TMEM132B: variants seen among roughly 807,000 people sequenced by gnomAD.
TMEM132B encodes the protein transmembrane protein 132B.
A neutral mutation model predicts 90.8 loss-of-function variants in TMEM132B; 18 were observed. That is an observed-to-expected ratio of 0.20 (90% confidence interval 0.14 to 0.29). TMEM132B has a LOEUF of 0.29. Ranked by LOEUF, TMEM132B falls within the 10% of genes least tolerant of loss-of-function variation. TMEM132B has a pLI of 1.00. For missense variants in TMEM132B, 1,096 were observed against 1,326.8 expected (o/e 0.83, Z 2.70); for synonymous variants, 504 against 523.3 (o/e 0.96, Z 0.50).
At chr12:125,305,466 A>C (rs1875934913) in intron 1 of TMEM132B, among the ~76,000 whole-genome samples, 1 of 152,124 alleles carries the variant, frequency 6.6e-6, no homozygotes, top group Non-Finnish European at 1.5e-5. Flanking sequence ...GTCTGTTAAA[A>C]GTTAATGATC....
At chr12:125,575,628 A>G (rs188559171) in intron 4 of TMEM132B, among the ~76,000 whole-genome samples, 10 of 151,694 alleles carry the variant, frequency 6.6e-5, no homozygotes, top group Non-Finnish European at 1.0e-4. Flanking sequence ...TCTAAGCAAT[A>G]TTTGCTGAGT....
At chr12:125,393,384 G>A (rs1879081745) in intron 2 of TMEM132B, among the ~76,000 whole-genome samples, 1 of 152,164 alleles carries the variant, frequency 6.6e-6, no homozygotes, top group South Asian at 2.1e-4. Flanking sequence ...TGATTATTTA[G>A]TATTAGTTGT....
At position 125,654,569 on chromosome 12, in the gene TMEM132B, C is replaced by T; in HGVS notation, c.3111C>T (p.Ile1037=). The T allele has an allele frequency of 1.9e-6, 3 of 1,614,194 alleles. No individual in the cohort carries two copies. The South Asian group carries it at 3.3e-5, about 18-fold the overall frequency. ...TCAAGTTCACTTCCTACACCACCAT[C>T]CTCCCAGAGGACGGCGGCCCATACA... The part of the protein sequence containing the change: ...KRVKFTSYTT[I]LPEDGGPYTN... The change falls in exon 9 of 9, where the codon ATC becomes ATT. Residue 1037 remains isoleucine, a synonymous_variant. Transcript: ENST00000682704. This position sits in a 1 kb window ranked among gnomAD's most constrained non-coding sequence, Gnocchi z 5.8.
At chr12:125,450,212 GAGA>G (rs1276791734) in intron 3 of TMEM132B, among the ~76,000 whole-genome samples, 1 of 152,124 alleles carries the variant, frequency 6.6e-6, no homozygotes, top group African/African-American at 2.4e-5. Flanking sequence ...TTTAAAAGTA[GAGA>G]AGAAGTGATA....
intron 3 of TMEM132B, among the ~76,000 whole-genome samples, chr12:125,431,317 G>A (rs1159392248): frequency 2.0e-5 from 3 of 151,964 alleles, no homozygotes; most frequent in East Asian, 1.9e-4. Context: ...GGTCCCCTTC[G>A]TGTTAATGAT....
intron 4 of TMEM132B, among the ~76,000 whole-genome samples, chr12:125,532,121 C>G (rs551836882): frequency 2.6e-5 from 4 of 152,280 alleles, no homozygotes; most frequent in Middle Eastern, 3.4e-3. Context: ...GGGAAAAGCC[C>G]ATTAAGATGT....
intron 1 of TMEM132B, among the ~76,000 whole-genome samples, chr12:125,237,166 A>G (rs907495163): frequency 7.2e-5 from 11 of 152,174 alleles, no homozygotes; most frequent in Non-Finnish European, 1.6e-4. Context: ...ATGGCCAGAG[A>G]GAGAGCCCAG....
chr12:125,320,356 CTCT>C (rs1330709604), intron 1 of TMEM132B, among the ~76,000 whole-genome samples: 1 of 152,212 alleles, frequency 6.6e-6, no homozygotes, highest in Non-Finnish European at 1.5e-5. Context: ...ATTCTTATCG[CTCT>C]TATTATAGCT....
chr12:125,532,920 CT>C (rs1387288177), intron 4 of TMEM132B, among the ~76,000 whole-genome samples: 1 of 152,150 alleles, frequency 6.6e-6, no homozygotes, highest in Non-Finnish European at 1.5e-5. Context: ...AATATGCAGG[CT>C]GTCTCTGAGC....
rs1387868158 is a variant in TMEM132B, at chr12:125,596,322, C to T, written c.1437+12328C>T. Among the ~76,000 whole-genome samples the T allele has an allele frequency of 2.0e-5, 3 of 152,154 alleles. No homozygotes were observed. The East Asian group carries it at 5.8e-4, about 29-fold the overall frequency. On this transcript the variant is annotated intron_variant, in intron 5 of 8. Transcript: ENST00000682704. ...GGGTAGACGAAGTGGATTACACAGC[C>T]TCCTATTAAACAAATGTGTGCTTCT...
chr12:125,300,372 A>G (rs1415511559), intron 1 of TMEM132B, among the ~76,000 whole-genome samples: 1 of 151,670 alleles, frequency 6.6e-6, no homozygotes, highest in African/African-American at 2.4e-5. Context: ...CAGCCCGACC[A>G]CCTGACACCC....
At chr12:125,646,444 G>C (rs1005765114) in intron 6 of TMEM132B, among the ~76,000 whole-genome samples, 2 of 152,144 alleles carry the variant, frequency 1.3e-5, no homozygotes, top group African/African-American at 4.8e-5. Flanking sequence ...GGCCAAGGTG[G>C]ATCTCGAAAA....
At chr12:125,335,134 C>T (rs1593090415) in intron 1 of TMEM132B, among the ~76,000 whole-genome samples, 3 of 152,326 alleles carry the variant, frequency 2.0e-5, no homozygotes, top group Middle Eastern at 3.4e-3. Context: ...AAAGGTAACA[C>T]GTTTCTGCAG....
At chr12:125,430,526 G>A (rs1166317668) in intron 3 of TMEM132B, among the ~76,000 whole-genome samples, 6 of 152,196 alleles carry the variant, frequency 3.9e-5, no homozygotes, top group African/African-American at 1.4e-4. Flanking sequence ...AGAGGGAAGA[G>A]CATCTGCAAA....
intron 4 of TMEM132B, among the ~76,000 whole-genome samples, chr12:125,531,298 A>C (rs1355523608): frequency 1.3e-5 from 2 of 152,062 alleles, no homozygotes; most frequent in Non-Finnish European, 2.9e-5. Context: ...TGATCTTCCC[A>C]CTTCAGGTTC....
At chr12:125,417,570 T>G (rs1880051931) in intron 3 of TMEM132B, among the ~76,000 whole-genome samples, 1 of 152,196 alleles carries the variant, frequency 6.6e-6, no homozygotes, top group Non-Finnish European at 1.5e-5. Context: ...AGACTCACTC[T>G]TGGTTGCTGA....
intron 3 of TMEM132B, among the ~76,000 whole-genome samples, chr12:125,502,618 T>C (rs994505222): frequency 2.6e-5 from 4 of 152,208 alleles, no homozygotes; most frequent in African/African-American, 9.6e-5. Context: ...GCTGGAAGTA[T>C]TTGGGAAAGG....
At chr12:125,553,572 A>G (rs2136767408) in intron 4 of TMEM132B, among the ~76,000 whole-genome samples, 1 of 152,316 alleles carries the variant, frequency 6.6e-6, no homozygotes, top group South Asian at 2.1e-4. Flanking sequence ...GTGGGGTCTG[A>G]CGGAGGAAAG....
chr12:125,239,895 G>T (rs1403196126), intron 1 of TMEM132B, among the ~76,000 whole-genome samples: 1 of 152,236 alleles, frequency 6.6e-6, no homozygotes, highest in African/African-American at 2.4e-5. Flanking sequence ...GGGGTGGCCT[G>T]TGGATTATGG....
Sources: gnomAD v4.1 joint callset for allele counts (sites outside exome capture counted in the v4.1 genomes callset) on GRCh38, gnomAD v4.1.1 for gene constraint, Gnocchi (gnomAD v3.1) non-coding constraint, MANE v1.5 for transcripts, NCBI Gene and HGNC (gene_info 2026-07-23, HGNC 2026-07-21) for gene names.